The following GEMIN7 variants were observed in gnomAD, a reference collection of about 807,000 sequenced individuals.
GEMIN7 encodes the protein gem nuclear organelle associated protein 7.
In GEMIN7, 7 loss-of-function variants were observed where a neutral mutation model predicts 7.8. The ratio of observed to expected loss-of-function variants is 0.90; its 90% CI spans 0.51 to 1.69. GEMIN7 has a LOEUF of 1.69. Ranked by LOEUF, GEMIN7 falls within the 40% of genes most tolerant of loss-of-function variation. The probability of loss-of-function intolerance (pLI) is 0.00; values close to 1 mark genes in which losing one functional copy is unlikely to be tolerated. For synonymous variants in GEMIN7, 68 were observed against 72.4 expected (o/e 0.94, Z 0.31); for missense variants, 159 against 176.2 (o/e 0.90, Z 0.55).
At chr19:45,076,266 G>C (rs1228198182), upstream of GEMIN7, 1 of 1,492,404 alleles carries the variant, frequency 6.7e-7, no homozygotes. The surrounding 1 kb of genome is among the most constrained non-coding windows in gnomAD (Gnocchi z 4.9). Flanking sequence ...CGTCTGGCTC[G>C]GGCTTGAGTT....
upstream of GEMIN7, chr19:45,076,278 G>T (rs747879839): frequency 2.0e-6 from 3 of 1,484,566 alleles, no homozygotes; most frequent in Non-Finnish European, 2.7e-6. The surrounding 1 kb of genome is among the most constrained non-coding windows in gnomAD (Gnocchi z 4.9). Flanking sequence ...GCTTGAGTTC[G>T]ATGACGAGGT....
rs746553243 is a variant in GEMIN7 at position 45,090,181 on chromosome 19, C to T, written c.67C>T (p.Arg23Cys). 1 of 1,614,160 alleles carries T rather than the reference C, an allele frequency of 6.2e-7. No individual in the cohort carries two copies. The highest frequency in any genetic ancestry group is 8.5e-7 in the Non-Finnish European group (1 of 1,180,032). Reference sequence around the variant, plus strand: ...GCCCCGGGGCCCTGATGGCTTCAGCCGTGGCTTTGCCCCTGATGGACGCAG... The same window carrying T: ...GCCCCGGGGCCCTGATGGCTTCAGCTGTGGCTTTGCCCCTGATGGACGCAG... Reference protein sequence around the residue: ...RLPRGPDGFSRGFAPDGRRAP... With the variant: ...RLPRGPDGFSCGFAPDGRRAP... The change falls in exon 3 of 3, where the codon CGT (arginine) becomes TGT (cysteine). Residue 23 changes from arginine (R) to cysteine (C), a missense_variant. Physicochemically the swap from Arg to Cys is radical, Grantham distance 180 (BLOSUM62 -3). Transcript: ENST00000270257.
chr19:45,084,576 G>C (rs1279803678), intron 2 of GEMIN7, among the ~76,000 whole-genome samples: 1 of 150,556 alleles, frequency 6.6e-6, no homozygotes, highest in Non-Finnish European at 1.5e-5. Context: ...CTAATTTTTG[G>C]GGCGTTTGTT....
rs765001739 is a variant in GEMIN7 at position 45,090,161 on chromosome 19, G to A, written c.47G>A (p.Arg16Gln). The change falls in exon 3 of 3, where the codon CGG becomes CAG. Residue 16 changes from arginine (R) to glutamine (Q), a missense_variant. By Grantham distance (43) the Arg-to-Gln change is conservative. Transcript: ENST00000270257. ...CCCGTGCCTGTGCTCCGGCTGCCCCGGGGCCCTGATGGCTTCAGCCGTGGC... is the reference window on the plus strand; with the variant it reads ...CCCGTGCCTGTGCTCCGGCTGCCCCAGGGCCCTGATGGCTTCAGCCGTGGC... ...NIPVPVLRLP[R>Q]GPDGFSRGFA... The A allele has an allele frequency of 1.2e-6, 2 of 1,613,942 alleles. No individual in the cohort carries two copies. The highest frequency in any genetic ancestry group is 1.1e-5 in the South Asian group (1 of 91,084).
chr19:45,084,557 C>T (rs1450223187), intron 2 of GEMIN7, among the ~76,000 whole-genome samples: 1 of 151,900 alleles, frequency 6.6e-6, no homozygotes, highest in Non-Finnish European at 1.5e-5. Context: ...TGTGTGCCAC[C>T]ATGCCTGGCT....
chr19:45,082,174 C>T (rs1350537580), intron 2 of GEMIN7, among the ~76,000 whole-genome samples: 1 of 152,162 alleles, frequency 6.6e-6, no homozygotes, highest in East Asian at 1.9e-4. Flanking sequence ...CCCAAATTGT[C>T]ATCACAGCCC....
At chr19:45,081,659 C>G (rs1967508713) in intron 2 of GEMIN7, among the ~76,000 whole-genome samples, 1 of 151,928 alleles carries the variant, frequency 6.6e-6, no homozygotes, top group Non-Finnish European at 1.5e-5. Context: ...TGGAGTCTCA[C>G]TCTGTCATCC....
upstream of GEMIN7, chr19:45,076,728 C>G: frequency 4.5e-6 from 1 of 220,132 alleles, no homozygotes; most frequent in East Asian, 9.9e-5. The surrounding 1 kb of genome is among the most constrained non-coding windows in gnomAD (Gnocchi z 4.9). Context: ...CATGCCCACA[C>G]GCACCCCCAA....
chr19:45,080,758 G>GTTTTTT (rs199542404), intron 2 of GEMIN7, among the ~76,000 whole-genome samples: 6 of 121,332 alleles, frequency 4.9e-5, no homozygotes, highest in Admixed American at 8.4e-5. Context: ...AATCTCCCTT[G>GTTTTTT]TTTTTTGTTT....
chr19:45,077,892 C>A (rs528935733), upstream of GEMIN7, among the ~76,000 whole-genome samples: 2 of 148,784 alleles, frequency 1.3e-5, no homozygotes, highest in African/African-American at 5.0e-5. Context: ...TTTAATTTTT[C>A]AAAAAAAATT....
chr19:45,078,925 A>G (rs1967410923), upstream of GEMIN7, among the ~76,000 whole-genome samples: 2 of 152,166 alleles, frequency 1.3e-5, no homozygotes, highest in South Asian at 2.1e-4. Flanking sequence ...ACTGGAAGCA[A>G]GGGGTTAGGA....
chr19:45,082,115 CCCAT>C (rs1409286671), intron 2 of GEMIN7, among the ~76,000 whole-genome samples: 1 of 152,130 alleles, frequency 6.6e-6, no homozygotes, highest in East Asian at 1.9e-4. Context: ...CCAGATTCTG[CCCAT>C]CCTTCACTCA....
At chr19:45,082,786 A>ATTTTTTT (rs35129433) in intron 2 of GEMIN7, among the ~76,000 whole-genome samples, 1 of 138,408 alleles carries the variant, frequency 7.2e-6, no homozygotes, top group African/African-American at 2.7e-5. Context: ...TGCCCAGCTA[A>ATTTTTTT]TTTTTTTTTT....
chr19:45,076,261 G>A (rs757569287), upstream of GEMIN7: 1 of 1,499,818 alleles, frequency 6.7e-7, no homozygotes, highest in South Asian at 1.3e-5. This position sits in a 1 kb window ranked among gnomAD's most constrained non-coding sequence, Gnocchi z 4.9. Context: ...CTGCGCGTCT[G>A]GCTCGGGCTT....
chr19:45,090,560 C>T lies in GEMIN7; in HGVS notation c.*50C>T, dbSNP rs1967865356. On this transcript the variant is annotated 3_prime_UTR_variant, in exon 3 of 3. Transcript: ENST00000270257. ...TGAGGCTAAGGCACTGTATCCCAGG[C>T]CTCCCAATGTTCCCGAGCCAGGAAC... 6.5e-7 allele frequency: 1 copy of T among 1,534,400 alleles called. No individual in the cohort carries two copies. Among genetic ancestry groups the T allele is most frequent in the South Asian group, 1.2e-5 (1 of 82,536 alleles).
chr19:45,076,374 G>A (rs1486135762), upstream of GEMIN7: 2 of 1,330,208 alleles, frequency 1.5e-6, no homozygotes, highest in Non-Finnish European at 1.9e-6. The surrounding 1 kb of genome is among the most constrained non-coding windows in gnomAD (Gnocchi z 4.9). Context: ...GGCGGGACAT[G>A]AGTCGCGGGC....
Position 45,080,017 on chromosome 19 carries a change from CACCAGGAGGGAGGTCTGTGAA to C in GEMIN7, c.-17_-9+12del, listed in dbSNP as rs1170554741. The C allele has an allele frequency of 6.6e-6, 1 of 152,328 alleles. No individual in the cohort carries two copies. The highest frequency in any genetic ancestry group is 6.5e-5 in the Admixed American group (1 of 15,288). The allele number at this position is 152,328 out of a possible 1,614,324, so 9.4% of individuals were successfully genotyped here. On this transcript the variant is annotated splice_donor_variant and splice_donor_5th_base_variant and 5_prime_UTR_variant and intron_variant, in exon 2 of 3. Coordinates refer to ENST00000270257, the MANE Select transcript of GEMIN7 (RefSeq NM_024707.3). LOFTEE classifies it low-confidence loss of function (5UTR_SPLICE). ...GATCTCCTCTCTGGAGCACCGGGGCCACCAGGAGGGAGGTCTGTGAAACCCCTGCCCCTGCCATTGACCTAA... is the reference window on the plus strand; with the variant it reads ...GATCTCCTCTCTGGAGCACCGGGGCCACCCCTGCCCCTGCCATTGACCTAA...
At chr19:45,076,423 G>GGCGGAGGACGCACGA (rs1011585188), upstream of GEMIN7, 7 of 1,204,888 alleles carry the variant, frequency 5.8e-6, no homozygotes, top group Admixed American at 8.6e-5. The surrounding 1 kb of genome is among the most constrained non-coding windows in gnomAD (Gnocchi z 4.9). Flanking sequence ...CAGGCGGGCG[G>GGCGGAGGACGCACGA]GCGGAGGACG....
chr19:45,086,398 A>C (rs1296281129), intron 2 of GEMIN7, among the ~76,000 whole-genome samples: 2 of 152,196 alleles, frequency 1.3e-5, no homozygotes, highest in Non-Finnish European at 2.9e-5. Flanking sequence ...GGACCAAGCC[A>C]CAGGGAGTGG....
Sources: allele counts gnomAD v4.1 joint callset (sites outside exome capture counted in the v4.1 genomes callset), GRCh38; gene constraint gnomAD v4.1.1; non-coding constraint Gnocchi (gnomAD v3.1); transcripts MANE v1.5; gene names NCBI Gene and HGNC (gene_info 2026-07-23, HGNC 2026-07-21).